ZNF280D: variants seen among roughly 807,000 people sequenced by gnomAD.
ZNF280D encodes the protein zinc finger protein 280D.
A neutral mutation model predicts 94.7 loss-of-function variants in ZNF280D; 39 were observed. The ratio of observed to expected loss-of-function variants is 0.41; its 90% CI spans 0.32 to 0.54. The LOEUF (loss-of-function observed/expected upper bound fraction) is 0.54, where lower values mean the gene tolerates loss of function less well. ZNF280D is among the 20% of genes least tolerant of loss of function. The pLI is 0.22. For synonymous variants in ZNF280D, 398 were observed against 377.6 expected (o/e 1.05, Z -0.63); for missense variants, 1,090 against 1,149.3 (o/e 0.95, Z 0.75).
At chr15:56,733,384 G>A (rs1421096189) in intron 1 of ZNF280D, 74 bp downstream of exon 1, 1 of 884,864 alleles carries the variant, frequency 1.1e-6, no homozygotes, top group Non-Finnish European at 1.4e-6. Flanking sequence ...CCCCCGGAGT[G>A]AGGCGGCGCA....
chr15:56,658,298 C>A, intron 17 of ZNF280D, 126 bp downstream of exon 17: 1 of 684,556 alleles, frequency 1.5e-6, no homozygotes, highest in Non-Finnish European at 2.4e-6. Context: ...TGTGAATATC[C>A]TAAAACCTAT....
chr15:56,708,730 C>A (rs1450134502), intron 1 of ZNF280D, among the ~76,000 whole-genome samples: 1 of 152,142 alleles, frequency 6.6e-6, no homozygotes, highest in Non-Finnish European at 1.5e-5. Flanking sequence ...TGATCTTTGA[C>A]AAACCTGACA....
chr15:56,662,375 T>G (rs2054000120), intron 16 of ZNF280D, among the ~76,000 whole-genome samples: 1 of 152,204 alleles, frequency 6.6e-6, no homozygotes, highest in African/African-American at 2.4e-5. Flanking sequence ...TGCTTCAAGA[T>G]TTTTGAACAC....
intron 1 of ZNF280D, among the ~76,000 whole-genome samples, chr15:56,718,243 A>C (rs2058150950): frequency 6.6e-6 from 1 of 152,092 alleles, no homozygotes; most frequent in African/African-American, 2.4e-5. Context: ...AATATAATGA[A>C]TGAAGCAGTT....
At chr15:56,661,629 T>C (rs1277738518) in intron 16 of ZNF280D, among the ~76,000 whole-genome samples, 1 of 152,150 alleles carries the variant, frequency 6.6e-6, no homozygotes, top group Non-Finnish European at 1.5e-5. Flanking sequence ...CTAAGTGAAA[T>C]TTACAGAAAA....
intron 10 of ZNF280D, 61 bp from the exon 11 acceptor site, chr15:56,678,882 A>G: frequency 7.1e-7 from 1 of 1,404,418 alleles, no homozygotes; most frequent in Non-Finnish European, 9.4e-7. Context: ...GAAATCTCAC[A>G]AACAAGAATC....
At chr15:56,722,103 G>T (rs1216354473) in intron 1 of ZNF280D, among the ~76,000 whole-genome samples, 1 of 152,140 alleles carries the variant, frequency 6.6e-6, no homozygotes, top group Non-Finnish European at 1.5e-5. Context: ...GGAAACTAGG[G>T]AAGAGCTGGC....
At chr15:56,677,717 A>C in intron 11 of ZNF280D, 43 bp from the exon 12 acceptor site, 2 of 819,108 alleles carry the variant, frequency 2.4e-6, no homozygotes, top group Non-Finnish European at 3.4e-6. Flanking sequence ...TTAAGATATT[A>C]ATATAAAAAT....
intron 19 of ZNF280D, among the ~76,000 whole-genome samples, chr15:56,648,909 C>A (rs1050367214): frequency 1.3e-5 from 2 of 152,072 alleles, no homozygotes; most frequent in Non-Finnish European, 2.9e-5. Flanking sequence ...CTGGTCTATT[C>A]TCCTTAGGAC....
intron 19 of ZNF280D, chr15:56,652,618 A>G (rs1241683026): frequency 1.0e-6 from 1 of 983,558 alleles, no homozygotes; most frequent in Non-Finnish European, 1.2e-6. Context: ...ACTGGTCACC[A>G]TATGTATGTT....
At chr15:56,676,937 C>G in intron 12 of ZNF280D, 121 bp from the exon 13 acceptor site, 2 of 687,380 alleles carry the variant, frequency 2.9e-6, no homozygotes, top group South Asian at 2.2e-5. Context: ...AGCTCTGATG[C>G]CTTTGCAACC....
At chr15:56,686,991 T>C (rs1455276110) in intron 9 of ZNF280D, among the ~76,000 whole-genome samples, 1 of 152,108 alleles carries the variant, frequency 6.6e-6, no homozygotes. Flanking sequence ...TATATGCTAG[T>C]TGGCAAAAAA....
chr15:56,692,659 CA>C, intron 7 of ZNF280D, among the ~76,000 whole-genome samples: 1 of 152,018 alleles, frequency 6.6e-6, no homozygotes, highest in Non-Finnish European at 1.5e-5. Context: ...ACTTTATAAT[CA>C]TATTGAACTA....
At chr15:56,731,913 C>T (rs565501510) in intron 1 of ZNF280D, among the ~76,000 whole-genome samples, 11 of 152,272 alleles carry the variant, frequency 7.2e-5, no homozygotes, top group African/African-American at 2.6e-4. Flanking sequence ...TGGTGCACAC[C>T]TGTAATCCCA....
chr15:56,662,260 T>C (rs2053991191), intron 16 of ZNF280D, among the ~76,000 whole-genome samples: 1 of 152,098 alleles, frequency 6.6e-6, no homozygotes, highest in African/African-American at 2.4e-5. Flanking sequence ...TAAGGTACAA[T>C]AATTTAAAGA....
chr15:56,682,191 G>A (rs1007003223), intron 10 of ZNF280D, 63 bp downstream of exon 10: 45 of 1,200,246 alleles, frequency 3.7e-5, no homozygotes, highest in Non-Finnish European at 3.5e-6. Flanking sequence ...CAAAATAAAA[G>A]TATAACATTT....
At chr15:56,640,938 C>A (rs1168597673) in intron 20 of ZNF280D, among the ~76,000 whole-genome samples, 2 of 152,044 alleles carry the variant, frequency 1.3e-5, no homozygotes, top group Non-Finnish European at 2.9e-5. Context: ...AACTTAGTGG[C>A]TCGTCTTTGT....
intron 19 of ZNF280D, chr15:56,653,007 TATTAA>T: frequency 5.3e-6 from 5 of 939,142 alleles, no homozygotes; most frequent in Non-Finnish European, 6.3e-6. Context: ...AAAACCAAGC[TATTAA>T]ATTAATTTTT....
At chr15:56,717,162 G>A (rs545028595) in intron 1 of ZNF280D, among the ~76,000 whole-genome samples, 1 of 152,114 alleles carries the variant, frequency 6.6e-6, no homozygotes, top group South Asian at 2.1e-4. Context: ...TGGTACCAGA[G>A]GGAGAGTCTT....
Sources: allele counts gnomAD v4.1 joint callset (sites outside exome capture counted in the v4.1 genomes callset), GRCh38; gene constraint gnomAD v4.1.1; transcripts MANE v1.5; gene names NCBI Gene and HGNC (gene_info 2026-07-23, HGNC 2026-07-21).